CELF1: variants seen among roughly 807,000 people sequenced by gnomAD.
CELF1 encodes the protein 50 kDa nuclear polyadenylated RNA-binding protein.
Under a neutral mutation model 61.8 loss-of-function variants are expected in CELF1, and 10 were observed. The observed-to-expected ratio is 0.16, with a 90% confidence interval of 0.10 to 0.27. The LOEUF (loss-of-function observed/expected upper bound fraction) is 0.27. CELF1 is among the 10% of genes least tolerant of loss of function. The pLI is 1.00. For missense variants in CELF1, 380 were observed against 639.1 expected, an observed-to-expected ratio of 0.59 and a Z score of 4.37; for synonymous variants, 236 against 225.1, an observed-to-expected ratio of 1.05 and a Z score of -0.43.
intron 1 of CELF1, among the ~76,000 whole-genome samples, chr11:47,510,847 TTGATA>T (rs1277186588): frequency 6.6e-6 from 1 of 152,096 alleles, no homozygotes; most frequent in Admixed American, 6.6e-5. Flanking sequence ...AAAAACTTCC[TTGATA>T]TAAGACAGGG....
At chr11:47,486,913 C>A (rs973411076) in intron 5 of CELF1, 115 bp from the exon 6 acceptor site, 4 of 848,278 alleles carry the variant, frequency 4.7e-6, no homozygotes, top group South Asian at 4.4e-5. Context: ...GAACTCATGT[C>A]TGCTTCATGA....
intron 9 of CELF1, among the ~76,000 whole-genome samples, chr11:47,479,900 T>C (rs917561875): frequency 3.3e-5 from 5 of 151,878 alleles, no homozygotes; most frequent in African/African-American, 1.2e-4. Flanking sequence ...TCTACAAACC[T>C]CCAGGAACAG....
intron 1 of CELF1, among the ~76,000 whole-genome samples, chr11:47,546,455 G>A (rs1000490732): frequency 2.6e-5 from 4 of 151,750 alleles, no homozygotes; most frequent in African/African-American, 7.3e-5. Context: ...TGGCAGAGAC[G>A]GGGTTTCTCA....
At chr11:47,490,575 C>T (rs932552521) in intron 3 of CELF1, among the ~76,000 whole-genome samples, 1 of 151,774 alleles carries the variant, frequency 6.6e-6, no homozygotes, top group Non-Finnish European at 1.5e-5. Flanking sequence ...TGAAGGCATG[C>T]ACCACCATGC....
At chr11:47,557,212 GTTTGT>G (rs1216086320), upstream of CELF1, among the ~76,000 whole-genome samples, 7 of 147,182 alleles carry the variant, frequency 4.8e-5, no homozygotes, top group Non-Finnish European at 9.0e-5. Flanking sequence ...TCTTGGTTTT[GTTTGT>G]TTTGTTTTGT....
exon 1 of CELF1, chr11:47,565,428 T>G (rs2097241901): frequency 2.5e-6 from 1 of 402,026 alleles, no homozygotes; most frequent in Non-Finnish European, 4.0e-6. Flanking sequence ...CCTCGGTCCC[T>G]CCTCCGAGGC....
In CELF1 at chr11:47,471,646, A is replaced by T. The variant is rs1264987623; in HGVS notation, c.*584T>A. 6.6e-6 allele frequency: 1 copy of T among 152,190 alleles called. No individual in the cohort carries two copies. The allele number at this position is 152,190 out of a possible 1,614,324, so 9.4% of individuals were successfully genotyped here. On this transcript the variant is annotated 3_prime_UTR_variant, in exon 15 of 15. Transcript: ENST00000687097. ...TAGGTGTCAAAAACTATTTCCCAGAAGGTAGCTGTACAGGAGTTTGAGTCT... is the reference window on the plus strand; with the variant it reads ...TAGGTGTCAAAAACTATTTCCCAGATGGTAGCTGTACAGGAGTTTGAGTCT...
chr11:47,504,730 C>T (rs2094327015), intron 1 of CELF1, among the ~76,000 whole-genome samples: 1 of 150,770 alleles, frequency 6.6e-6, no homozygotes, highest in South Asian at 2.1e-4. Flanking sequence ...GGTGAAACCC[C>T]ATCTCTACTA....
Position 47,472,169 on chromosome 11 carries a change from A to G in CELF1, c.*61T>C. The G allele has an allele frequency of 6.3e-7, 1 of 1,595,156 alleles. No individual in the cohort carries two copies. The highest frequency in any genetic ancestry group is 1.7e-5 in the Admixed American group (1 of 59,576). On this transcript the variant is annotated 3_prime_UTR_variant, in exon 15 of 15. Coordinates refer to ENST00000687097, the MANE Select transcript of CELF1 (RefSeq NM_001376376.1). ...ACAGCCTCAGGGCTTCGAATCATTA[A>G]GGGTGCTCCTCCCCCACTTACCAGA...
chr11:47,525,555 A>G (rs1039933265), intron 1 of CELF1, among the ~76,000 whole-genome samples: 1 of 152,022 alleles, frequency 6.6e-6, no homozygotes, highest in African/African-American at 2.4e-5. Context: ...CAAGTGATCC[A>G]CTCACTTCGG....
chr11:47,547,287 T>A (rs2096987689), intron 1 of CELF1, among the ~76,000 whole-genome samples: 1 of 152,026 alleles, frequency 6.6e-6, no homozygotes, highest in Non-Finnish European at 1.5e-5. Context: ...GAGCATGAAT[T>A]GTAATCAATT....
At chr11:47,512,208 G>A (rs1328662073) in intron 1 of CELF1, among the ~76,000 whole-genome samples, 10 of 149,042 alleles carry the variant, frequency 6.7e-5, no homozygotes, top group Admixed American at 1.3e-4. Flanking sequence ...GCTGGAGTGC[G>A]GTGGCATGAT....
At position 47,550,790 on chromosome 11, in the gene CELF1, T is replaced by C. The variant is rs551788335; in HGVS notation, c.-154+2202A>G. Among the ~76,000 whole-genome samples, 299 of 152,274 alleles carry C rather than the reference T, an allele frequency of 2.0e-3. 1 individual carries two copies. The highest frequency in any genetic ancestry group is 3.8e-3 in the Non-Finnish European group (258 of 68,024). The stretch of plus-strand genomic sequence containing the variant: ...GCTAAAAACTTCACTGTCTGCCTAT[T>C]ACATCATGGGTATTTCACCATGTTA... On this transcript the variant is annotated intron_variant, in intron 1 of 14. Coordinates refer to ENST00000687097, the MANE Select transcript of CELF1 (RefSeq NM_001376376.1).
At chr11:47,531,374 C>T (rs967394866) in intron 1 of CELF1, among the ~76,000 whole-genome samples, 3 of 152,142 alleles carry the variant, frequency 2.0e-5, no homozygotes, top group Non-Finnish European at 4.4e-5. Flanking sequence ...TAGAGACCAT[C>T]CTGGCTAACA....
At chr11:47,545,417 C>T (rs990633345) in intron 1 of CELF1, among the ~76,000 whole-genome samples, 1 of 152,016 alleles carries the variant, frequency 6.6e-6, no homozygotes, top group Non-Finnish European at 1.5e-5. Context: ...GGCGACAGAG[C>T]GGGACTCTGT....
At chr11:47,475,131 G>C (rs1364340147) in intron 13 of CELF1, among the ~76,000 whole-genome samples, 3 of 152,196 alleles carry the variant, frequency 2.0e-5, no homozygotes, top group Non-Finnish European at 4.4e-5. Context: ...AGGGCACACA[G>C]AGGTTCTGAT....
intron 1 of CELF1, among the ~76,000 whole-genome samples, chr11:47,509,094 G>A (rs1818679740): frequency 6.6e-6 from 1 of 152,122 alleles, no homozygotes; most frequent in African/African-American, 2.4e-5. Context: ...TTTTTTTAAA[G>A]CTTTGTCTTC....
intron 1 of CELF1, among the ~76,000 whole-genome samples, chr11:47,510,966 G>A (rs543089562): frequency 2.2e-4 from 33 of 152,088 alleles, no homozygotes; most frequent in African/African-American, 7.5e-4. Flanking sequence ...AGGACTGCAT[G>A]AGCCCACAAG....
upstream of CELF1, among the ~76,000 whole-genome samples, chr11:47,556,219 C>A (rs1009133048): frequency 5.9e-5 from 9 of 152,270 alleles, 2 homozygotes; most frequent in Admixed American, 6.5e-5. Flanking sequence ...GGGTCTTGCT[C>A]TGTCACCCAG....
Sources: allele counts gnomAD v4.1 joint callset (sites outside exome capture counted in the v4.1 genomes callset), GRCh38; gene constraint gnomAD v4.1.1; transcripts MANE v1.5; gene names NCBI Gene and HGNC (gene_info 2026-07-23, HGNC 2026-07-21).